Variants in PSD3 observed in about 807,000 individuals in gnomAD.
The protein encoded by PSD3 is pleckstrin and Sec7 domain containing 3, also known as PH and SEC7 domain-containing protein 3.
Under a neutral mutation model 105.5 loss-of-function variants are expected in PSD3, and 49 were observed. The observed-to-expected ratio is 0.46, with a 90% confidence interval of 0.37 to 0.59. The LOEUF is 0.59. PSD3 is among the 20% of genes least tolerant of loss of function. The probability of loss-of-function intolerance (pLI) is 0.00; values close to 1 mark genes in which losing one functional copy is unlikely to be tolerated. For missense variants in PSD3, 1,561 were observed against 1,263.8 expected (o/e 1.24, Z -3.57); for synonymous variants, 557 against 457.8 (o/e 1.22, Z -2.77).
intron 1 of PSD3, among the ~76,000 whole-genome samples, chr8:18,955,792 G>A (rs549049783): frequency 7.3e-4 from 104 of 143,002 alleles, no homozygotes; most frequent in African/African-American, 2.6e-3. Context: ...TTTTTAAGAC[G>A]GAGTCTCATT....
At chr8:18,653,755 G>T (rs1808692239) in intron 10 of PSD3, among the ~76,000 whole-genome samples, 1 of 151,258 alleles carries the variant, frequency 6.6e-6, no homozygotes, top group African/African-American at 2.4e-5. Flanking sequence ...AATAAAATCT[G>T]CTGTAACAAA....
intron 2 of PSD3, among the ~76,000 whole-genome samples, chr8:18,904,526 G>C (rs1260802365): frequency 2.0e-5 from 3 of 152,214 alleles, no homozygotes; most frequent in African/African-American, 7.2e-5. Context: ...TTTCAGACTT[G>C]TGTGGGGCCT....
intron 9 of PSD3, among the ~76,000 whole-genome samples, chr8:18,679,637 T>C (rs1221122209): frequency 1.3e-5 from 2 of 152,082 alleles, no homozygotes; most frequent in African/African-American, 4.8e-5. Context: ...AACCCTGCAT[T>C]TTAGGGATGA....
At chr8:19,045,979 C>T (rs1360213949) in intron 1 of PSD3, among the ~76,000 whole-genome samples, 1 of 152,156 alleles carries the variant, frequency 6.6e-6, no homozygotes, top group East Asian at 1.9e-4. Context: ...TATCCTCTGC[C>T]CCTAAAAGAT....
At chr8:19,008,401 T>G (rs569140161) in intron 1 of PSD3, among the ~76,000 whole-genome samples, 1 of 152,294 alleles carries the variant, frequency 6.6e-6, no homozygotes, top group East Asian at 1.9e-4. Context: ...TTCCAAGCAT[T>G]TTTCCAATAT....
intron 2 of PSD3, among the ~76,000 whole-genome samples, chr8:18,875,649 G>T (rs1199470034): frequency 6.6e-6 from 1 of 151,820 alleles, no homozygotes; most frequent in Admixed American, 6.6e-5. Context: ...CCATTCTCCT[G>T]CCTCAGCCTC....
intron 12 of PSD3, among the ~76,000 whole-genome samples, chr8:18,582,714 TC>T (rs1056285341): frequency 1.3e-5 from 2 of 151,826 alleles, no homozygotes; most frequent in Admixed American, 1.3e-4. Flanking sequence ...GAGCTATGTT[TC>T]CCCCTCCATC....
chr8:18,543,154 G>A (rs574886490), intron 15 of PSD3, among the ~76,000 whole-genome samples: 35 of 152,136 alleles, frequency 2.3e-4, no homozygotes, highest in African/African-American at 8.4e-4. Flanking sequence ...AAAATTTGCT[G>A]TTTTGATAAA....
rs531542322 is a variant in PSD3 at position 18,763,557 on chromosome 8, A to T, written c.2172+1892T>A. 3.3e-5 allele frequency among the ~76,000 whole-genome samples: 5 copies of T among 152,290 alleles called. 1 individual carries two copies. The South Asian group carries it at 1.0e-3, about 32-fold the overall frequency. The stretch of plus-strand genomic sequence containing the variant: ...CAGCTATTCTAAGAGAAAGAGAATG[A>T]GAAAAAAAGACACCAAAAGAAAAAT... On this transcript the variant is annotated intron_variant, in intron 9 of 15. Transcript: ENST00000327040.
At chr8:18,783,018 G>A (rs1808787218) in intron 8 of PSD3, among the ~76,000 whole-genome samples, 1 of 152,152 alleles carries the variant, frequency 6.6e-6, no homozygotes, top group African/African-American at 2.4e-5. Flanking sequence ...TGCTCTCATA[G>A]AATTACTTAA....
intron 1 of PSD3, among the ~76,000 whole-genome samples, chr8:19,056,379 T>C (rs1586674935): frequency 6.6e-6 from 1 of 152,212 alleles, no homozygotes; most frequent in Non-Finnish European, 1.5e-5. Context: ...AACTGTTCCT[T>C]TCAGTAGAAG....
chr8:18,653,676 C>T (rs1052100306), intron 10 of PSD3, among the ~76,000 whole-genome samples: 2 of 152,070 alleles, frequency 1.3e-5, no homozygotes, highest in Non-Finnish European at 2.9e-5. Context: ...AACTCCCGCC[C>T]CTCCACCCTT....
At position 18,555,956 on chromosome 8, in the gene PSD3, G is replaced by A. The variant is rs374180338; in HGVS notation, c.2928+253C>T. ...TCTTTTTCTTCCCCTCACAGCGGGC[G>A]CACACTATTCCAACCAGGCAGGCTA... On this transcript the variant is annotated intron_variant, in intron 15 of 15. Coordinates refer to ENST00000327040, the MANE Select transcript of PSD3 (RefSeq NM_015310.4). Among the ~76,000 whole-genome samples the A allele has an allele frequency of 5.9e-5, 9 of 152,214 alleles. No homozygotes were observed. In the East Asian group the frequency reaches 7.7e-4, roughly 13 times the overall value.
At chr8:19,084,146 G>A (rs10102338) in intron 1 of PSD3, 1 of 389,142 alleles carries the variant, frequency 2.6e-6, no homozygotes, top group Non-Finnish European at 5.2e-6. Flanking sequence ...AGGCCAGGGT[G>A]GCACGTCTGT....
intron 10 of PSD3, among the ~76,000 whole-genome samples, chr8:18,652,410 G>C (rs754667618): frequency 2.0e-5 from 3 of 151,790 alleles, no homozygotes; most frequent in Non-Finnish European, 4.4e-5. Flanking sequence ...AGTCTAGTTA[G>C]AGAGGTATGG....
At position 18,532,385 on chromosome 8, in the gene PSD3, G is replaced by A. The variant is rs1172250650; in HGVS notation, c.*3358C>T. The A allele has an allele frequency of 6.6e-6, 1 of 152,200 alleles. No homozygotes were observed. The highest frequency in any genetic ancestry group is 2.4e-5 in the African/African-American group (1 of 41,444). 9.4% of individuals were successfully genotyped at this position (152,200 alleles called of 1,614,324 possible). Reference sequence around the variant, plus strand: ...TCCTCTTCCAGAGTAAATTCCTCATGTCACTTTTGCCCAGGGGCCAGTCCT... The same window carrying A: ...TCCTCTTCCAGAGTAAATTCCTCATATCACTTTTGCCCAGGGGCCAGTCCT... On this transcript the variant is annotated 3_prime_UTR_variant, in exon 16 of 16. Transcript: ENST00000327040.
chr8:19,038,691 G>T (rs1828026518), intron 1 of PSD3, among the ~76,000 whole-genome samples: 1 of 151,994 alleles, frequency 6.6e-6, no homozygotes, highest in Non-Finnish European at 1.5e-5. Context: ...CAAACTACTG[G>T]GCTCAAGTGA....
intron 1 of PSD3, among the ~76,000 whole-genome samples, chr8:19,067,641 C>G (rs1213930566): frequency 2.0e-5 from 3 of 152,172 alleles, no homozygotes; most frequent in Non-Finnish European, 4.4e-5. Context: ...AAGCCAGCAG[C>G]AAGGGGTGTC....
At chr8:19,038,242 C>A (rs527772437) in intron 1 of PSD3, among the ~76,000 whole-genome samples, 1 of 152,258 alleles carries the variant, frequency 6.6e-6, no homozygotes, top group African/African-American at 2.4e-5. Flanking sequence ...CTTTATCAAA[C>A]TTTCCAGAGC....
Sources: gnomAD v4.1 joint callset for allele counts (sites outside exome capture counted in the v4.1 genomes callset) on GRCh38, gnomAD v4.1.1 for gene constraint, MANE v1.5 for transcripts, NCBI Gene and HGNC (gene_info 2026-07-23, HGNC 2026-07-21) for gene names.